The following PPP1R9A variants were observed in gnomAD, a reference collection of about 807,000 sequenced individuals.
PPP1R9A encodes the protein protein phosphatase 1 regulatory subunit 9A.
In PPP1R9A, 59 loss-of-function variants were observed where a neutral mutation model predicts 141.9. The ratio of observed to expected loss-of-function variants is 0.42; its 90% CI spans 0.34 to 0.52. PPP1R9A has a LOEUF of 0.52. Among genes scored for constraint, PPP1R9A ranks in the 20% least tolerant of loss-of-function variants. The pLI, the probability that PPP1R9A is intolerant of heterozygous loss-of-function variation, is 0.10. For synonymous variants in PPP1R9A, 500 were observed against 569.7 expected, an observed-to-expected ratio of 0.88 and a Z score of 1.74; for missense variants, 1,444 against 1,611.9, an observed-to-expected ratio of 0.90 and a Z score of 1.78.
chr7:95,171,380 A>G (rs1421455856), intron 5 of PPP1R9A, among the ~76,000 whole-genome samples: 1 of 151,648 alleles, frequency 6.6e-6, no homozygotes, highest in Non-Finnish European at 1.5e-5. Context: ...AAAGAGCACT[A>G]GTGTGGTTAT....
intron 5 of PPP1R9A, among the ~76,000 whole-genome samples, chr7:95,193,385 T>C (rs1169388929): frequency 6.6e-6 from 1 of 152,098 alleles, no homozygotes; most frequent in Non-Finnish European, 1.5e-5. Context: ...TGTAGAGTGA[T>C]TTTGAATACA....
intron 2 of PPP1R9A, among the ~76,000 whole-genome samples, chr7:95,087,587 T>C (rs1253103328): frequency 6.6e-6 from 1 of 151,932 alleles, no homozygotes; most frequent in Admixed American, 6.6e-5. Flanking sequence ...GGATAAGTAG[T>C]TTTTTGGATG....
At chr7:95,148,779 G>A (rs1314252643) in intron 4 of PPP1R9A, among the ~76,000 whole-genome samples, 3 of 151,446 alleles carry the variant, frequency 2.0e-5, no homozygotes, top group Non-Finnish European at 4.4e-5. Flanking sequence ...CAACACTTAA[G>A]GAAGAAAGTG....
chr7:95,240,305 G>A (rs1038003520), intron 8 of PPP1R9A, among the ~76,000 whole-genome samples: 3 of 152,004 alleles, frequency 2.0e-5, no homozygotes, highest in Non-Finnish European at 2.9e-5. Flanking sequence ...ATTTATTGAA[G>A]TAGGCCTTCT....
At chr7:95,200,399 G>T (rs1789282006) in intron 6 of PPP1R9A, among the ~76,000 whole-genome samples, 1 of 150,874 alleles carries the variant, frequency 6.6e-6, no homozygotes, top group Non-Finnish European at 1.5e-5. Flanking sequence ...AGCCTCCTGA[G>T]TAGCTGGGGC....
intron 2 of PPP1R9A, among the ~76,000 whole-genome samples, chr7:95,058,335 G>A (rs1584475914): frequency 6.6e-6 from 1 of 152,048 alleles, no homozygotes; most frequent in East Asian, 1.9e-4. Context: ...TGTTTTTCCT[G>A]GAAAAAACAA....
intron 2 of PPP1R9A, among the ~76,000 whole-genome samples, chr7:94,935,803 A>T (rs569014835): frequency 6.6e-6 from 1 of 152,186 alleles, no homozygotes; most frequent in South Asian, 2.1e-4. Context: ...TGTTGATTGC[A>T]CTAAGTGGAC....
intron 2 of PPP1R9A, among the ~76,000 whole-genome samples, chr7:95,089,982 A>T (rs1269199168): frequency 6.6e-6 from 1 of 151,946 alleles, no homozygotes; most frequent in Non-Finnish European, 1.5e-5. Flanking sequence ...CCAGACCCTC[A>T]GCCAAATGTC....
intron 2 of PPP1R9A, among the ~76,000 whole-genome samples, chr7:95,009,873 T>A (rs1008131090): frequency 6.6e-6 from 1 of 152,112 alleles, no homozygotes; most frequent in Non-Finnish European, 1.5e-5. Flanking sequence ...CCTTGCCACA[T>A]AGGGAAAATA....
At chr7:94,990,660 C>A (rs1261092517) in intron 2 of PPP1R9A, among the ~76,000 whole-genome samples, 12 of 151,882 alleles carry the variant, frequency 7.9e-5, no homozygotes, top group Non-Finnish European at 1.6e-4. Context: ...TCTTATCTAG[C>A]TGTAATTTTG....
Position 95,292,606 on chromosome 7 carries a change from T to C in PPP1R9A, c.*2303T>C, listed in dbSNP as rs1806522899. The C allele has an allele frequency of 6.6e-6, 1 of 152,260 alleles. No individual in the cohort carries two copies. The highest frequency in any genetic ancestry group is 2.4e-5 in the African/African-American group (1 of 41,472). The allele number at this position is 152,260 out of a possible 1,614,324, so 9.4% of individuals were successfully genotyped here. A position where few individuals can be genotyped will look rare whatever the true frequency, so the allele number is the denominator to read the frequency against. ...TAACTTTGTATATTGAATGTTTAGA[T>C]AAATGTCCAACTGACAATGTTATAA... On this transcript the variant is annotated 3_prime_UTR_variant, in exon 20 of 20. Coordinates refer to ENST00000433360, the MANE Select transcript of PPP1R9A (RefSeq NM_001166160.2).
intron 7 of PPP1R9A, among the ~76,000 whole-genome samples, chr7:95,217,750 A>T (rs190838400): frequency 2.5e-4 from 38 of 152,174 alleles, no homozygotes; most frequent in Non-Finnish European, 5.3e-4. Flanking sequence ...TTTCTAGTTT[A>T]TTTGCGTAGA....
intron 13 of PPP1R9A, 77 bp from the exon 14 acceptor site, chr7:95,269,130 G>C: frequency 7.4e-7 from 1 of 1,357,184 alleles, no homozygotes; most frequent in Admixed American, 2.6e-5. Context: ...TAAAAGGTTG[G>C]TCTTATTTCA....
At chr7:95,273,052 C>T (rs1037387682) in intron 14 of PPP1R9A, among the ~76,000 whole-genome samples, 2 of 152,152 alleles carry the variant, frequency 1.3e-5, no homozygotes, top group Non-Finnish European at 2.9e-5. Flanking sequence ...GAACAAGTGC[C>T]ACCAGTGGAA....
chr7:95,046,656 TTC>T (rs1810057437), intron 2 of PPP1R9A, among the ~76,000 whole-genome samples: 1 of 152,194 alleles, frequency 6.6e-6, no homozygotes, highest in Non-Finnish European at 1.5e-5. Context: ...GCCCAGGGAA[TTC>T]TCTGTCATGC....
In PPP1R9A at chr7:95,292,677, AT is replaced by A. The variant is rs1225045991; in HGVS notation, c.*2380del. The A allele has an allele frequency of 2.0e-5, 3 of 152,130 alleles. No homozygotes were observed. The East Asian group carries it at 5.8e-4, about 29-fold the overall frequency. 9.4% of individuals were successfully genotyped at this position (152,130 alleles called of 1,614,324 possible). ...ATCATTTAGTATTATAAGTATTTTG[AT>A]TTTTTAAGTTAAATTATAGTAATTT... On this transcript the variant is annotated 3_prime_UTR_variant, in exon 20 of 20. Transcript: ENST00000433360.
chr7:94,912,690 A>C (rs1324626815), intron 2 of PPP1R9A, among the ~76,000 whole-genome samples: 2 of 152,230 alleles, frequency 1.3e-5, no homozygotes, highest in Non-Finnish European at 2.9e-5. Context: ...ATTCTGAAAT[A>C]AAGTAATAAT....
intron 4 of PPP1R9A, among the ~76,000 whole-genome samples, chr7:95,133,906 T>C (rs192855165): frequency 6.6e-6 from 1 of 152,212 alleles, no homozygotes; most frequent in Non-Finnish European, 1.5e-5. Flanking sequence ...CCCAGGCTGG[T>C]CTTGAACCAG....
chr7:94,964,114 T>A (rs1222404038), intron 2 of PPP1R9A, among the ~76,000 whole-genome samples: 2 of 152,170 alleles, frequency 1.3e-5, no homozygotes, highest in East Asian at 3.8e-4. Flanking sequence ...TATGGAGTTA[T>A]ATTTGTGCTC....
Sources: gnomAD v4.1 joint callset for allele counts (sites outside exome capture counted in the v4.1 genomes callset) on GRCh38, gnomAD v4.1.1 for gene constraint, MANE v1.5 for transcripts, NCBI Gene and HGNC (gene_info 2026-07-23, HGNC 2026-07-21) for gene names.